Variants in NKAIN3 observed in about 807,000 individuals in gnomAD.
NKAIN3 encodes sodium/potassium transporting ATPase interacting 3, also known as sodium/potassium-transporting ATPase subunit beta-1-interacting protein 3.
A neutral mutation model predicts 30.2 loss-of-function variants in NKAIN3; 25 were observed. That is an observed-to-expected ratio of 0.83 (90% CI 0.60 to 1.16). The LOEUF (loss-of-function observed/expected upper bound fraction) is 1.16. Ranked by LOEUF, NKAIN3 falls within the 50% of genes most tolerant of loss-of-function variation. The pLI is 0.00. For synonymous variants in NKAIN3, 91 were observed against 89.6 expected (o/e 1.02, Z -0.09); for missense variants, 225 against 254.1 (o/e 0.89, Z 0.78).
intron 4 of NKAIN3, chr8:62,863,904 G>A: frequency 1.5e-6 from 2 of 1,316,454 alleles, no homozygotes; most frequent in Non-Finnish European, 2.2e-6. Flanking sequence ...TCTGATCCAG[G>A]ATCTCCTCCT....
intron 6 of NKAIN3, among the ~76,000 whole-genome samples, chr8:62,964,553 T>A (rs1215545271): frequency 7.3e-5 from 11 of 151,202 alleles, no homozygotes; most frequent in Non-Finnish European, 1.3e-4. Flanking sequence ...TGTGTGTGTG[T>A]GTGTGTGTGT....
chr8:62,836,221 C>T (rs1489992079), intron 4 of NKAIN3, among the ~76,000 whole-genome samples: 1 of 152,014 alleles, frequency 6.6e-6, no homozygotes, highest in South Asian at 2.1e-4. Flanking sequence ...CTATTTATTG[C>T]TCTCCTCACT....
intron 3 of NKAIN3, among the ~76,000 whole-genome samples, chr8:62,729,046 A>AAAAAAAAAAAAAAAAAAAAC (rs1815380744): frequency 7.2e-6 from 1 of 139,402 alleles, no homozygotes; most frequent in Non-Finnish European, 1.6e-5. Context: ...AAAACAAAAA[A>AAAAAAAAAAAAAAAAAAAAC]AAAAAACCTC....
rs369570287 is a variant in NKAIN3, at chr8:62,895,694, A to G, written c.472-22759A>G. On this transcript the variant is annotated intron_variant, in intron 4 of 6. Coordinates refer to ENST00000623646, the MANE Select transcript of NKAIN3 (RefSeq NM_001304533.3). ...TAAACCAGCACCAGTTTGAGCATCA[A>G]GCTGTAAACTTACTAATCTATTTCT... is the stretch of plus-strand genomic sequence containing the variant. Among the ~76,000 whole-genome samples, 43 of 152,296 alleles carry G rather than the reference A, an allele frequency of 2.8e-4. 1 individual carries two copies. The East Asian group carries it at 6.6e-3, about 23-fold the overall frequency.
chr8:62,255,116 GC>G (rs1489715008), intron 1 of NKAIN3, among the ~76,000 whole-genome samples: 1 of 152,102 alleles, frequency 6.6e-6, no homozygotes, highest in Non-Finnish European at 1.5e-5. Context: ...CTAAAATGAA[GC>G]CATTAATTTC....
chr8:62,620,029 T>A lies in NKAIN3; in HGVS notation c.273+30235T>A, dbSNP rs148685262. On this transcript the variant is annotated intron_variant, in intron 3 of 6. Coordinates refer to ENST00000623646, the MANE Select transcript of NKAIN3 (RefSeq NM_001304533.3). The stretch of plus-strand genomic sequence containing the variant: ...ACCACATAAATTTATCTCAAAAGAG[T>A]TTTACCTGACACAGAAGCCTTATAA... Among the ~76,000 whole-genome samples the A allele has an allele frequency of 8.6e-5, 13 of 151,672 alleles. No individual in the cohort carries two copies. The East Asian group carries it at 1.4e-3, about 16-fold the overall frequency.
intron 2 of NKAIN3, among the ~76,000 whole-genome samples, chr8:62,580,181 C>A (rs932115799): frequency 6.6e-6 from 1 of 152,110 alleles, no homozygotes; most frequent in Non-Finnish European, 1.5e-5. Context: ...GTACACATCC[C>A]TAACATTTCA....
chr8:62,737,038 T>C (rs988037722), intron 3 of NKAIN3, among the ~76,000 whole-genome samples: 1 of 152,302 alleles, frequency 6.6e-6, no homozygotes, highest in South Asian at 2.1e-4. Flanking sequence ...GCACTCACAG[T>C]TTTTTGGCTT....
intron 1 of NKAIN3, among the ~76,000 whole-genome samples, chr8:62,507,587 C>T (rs990087295): frequency 1.2e-4 from 19 of 152,128 alleles, no homozygotes; most frequent in African/African-American, 4.6e-4. Flanking sequence ...TATAATTATA[C>T]TTTGTTAATT....
intron 4 of NKAIN3, among the ~76,000 whole-genome samples, chr8:62,853,682 A>G (rs1269629701): frequency 6.6e-6 from 1 of 152,038 alleles, no homozygotes; most frequent in African/African-American, 2.4e-5. Flanking sequence ...TGATTTTTGA[A>G]GGGTTTTTCA....
chr8:62,426,271 T>A (rs1804806763), intron 1 of NKAIN3, among the ~76,000 whole-genome samples: 1 of 151,940 alleles, frequency 6.6e-6, no homozygotes, highest in Non-Finnish European at 1.5e-5. Flanking sequence ...ATGAAAAATT[T>A]GACAATGGGT....
At chr8:62,690,077 A>AC (rs1813917396) in intron 3 of NKAIN3, among the ~76,000 whole-genome samples, 1 of 152,164 alleles carries the variant, frequency 6.6e-6, no homozygotes, top group Admixed American at 6.5e-5. Flanking sequence ...TCCGTTCTTG[A>AC]CCCACCCCAC....
At chr8:62,605,283 A>G (rs1811089621) in intron 3 of NKAIN3, among the ~76,000 whole-genome samples, 1 of 152,056 alleles carries the variant, frequency 6.6e-6, no homozygotes. Flanking sequence ...AGAATGGTAG[A>G]GCTGAAAACA....
At chr8:62,790,866 G>A (rs570944336) in intron 4 of NKAIN3, among the ~76,000 whole-genome samples, 1 of 152,120 alleles carries the variant, frequency 6.6e-6, no homozygotes, top group African/African-American at 2.4e-5. Flanking sequence ...CTGGTCAGTA[G>A]AGCATTTATC....
chr8:62,432,939 G>C (rs1210510056), intron 1 of NKAIN3, among the ~76,000 whole-genome samples: 1 of 152,096 alleles, frequency 6.6e-6, no homozygotes. Context: ...CATTTGGTAT[G>C]TCTGAACCAA....
intron 1 of NKAIN3, among the ~76,000 whole-genome samples, chr8:62,342,682 G>A (rs1815793246): frequency 1.3e-5 from 2 of 152,144 alleles, no homozygotes; most frequent in South Asian, 2.1e-4. Flanking sequence ...TTGAAGTGCT[G>A]ACTGGAAGAA....
chr8:62,319,790 G>A (rs1814807091), intron 1 of NKAIN3, among the ~76,000 whole-genome samples: 1 of 152,178 alleles, frequency 6.6e-6, no homozygotes, highest in Non-Finnish European at 1.5e-5. Flanking sequence ...GTGTGGTGCT[G>A]AGAAGAATGT....
rs76457056 is a variant in NKAIN3, at chr8:62,612,670, C to T, written c.273+22876C>T. ...TGTTATTTGCTTTTTGGTTGTTTTG[C>T]GGTCTCTTCTTCCTTCTTTCTTTTC... On this transcript the variant is annotated intron_variant, in intron 3 of 6. Transcript: ENST00000623646. 9.7e-3 allele frequency among the ~76,000 whole-genome samples: 1,466 copies of T among 151,600 alleles called. 13 individuals carry two copies. Among genetic ancestry groups the T allele is most frequent in the African/African-American group, 0.011 (476 of 41,400 alleles).
chr8:62,613,601 A>C (rs1811357358), intron 3 of NKAIN3, among the ~76,000 whole-genome samples: 1 of 152,008 alleles, frequency 6.6e-6, no homozygotes, highest in South Asian at 2.1e-4. Flanking sequence ...CTTTTGAGTA[A>C]ACTTTCTACT....
Sources: gnomAD v4.1 joint callset for allele counts (sites outside exome capture counted in the v4.1 genomes callset) on GRCh38, gnomAD v4.1.1 for gene constraint, MANE v1.5 for transcripts, NCBI Gene and HGNC (gene_info 2026-07-23, HGNC 2026-07-21) for gene names.